PRELID2: variants seen among roughly 807,000 people sequenced by gnomAD.
PRELID2 encodes the protein PRELI domain containing 2.
PRELID2 carries 25 observed loss-of-function variants against 28.4 expected under a neutral mutation model. The observed-to-expected ratio is 0.88, with a 90% confidence interval of 0.64 to 1.23. The LOEUF is 1.23. PRELID2 is among the 50% of genes most tolerant of loss of function. PRELID2 has a pLI of 0.00. For synonymous variants in PRELID2, 76 were observed against 71.6 expected (o/e 1.06, Z -0.31); for missense variants, 201 against 214.4 (o/e 0.94, Z 0.39).
chr5:145,301,862 C>G, the PRELID2 span, among the ~76,000 whole-genome samples: 1 of 149,658 alleles, frequency 6.7e-6, no homozygotes. Context: ...ACCATATAGT[C>G]TTGATTATTG....
At chr5:145,303,220 G>A in the PRELID2 span, among the ~76,000 whole-genome samples, 1 of 152,118 alleles carries the variant, frequency 6.6e-6, no homozygotes, top group Non-Finnish European at 1.5e-5. Context: ...GTACACTTTG[G>A]TTTAGAGATA....
chr5:145,371,496 T>C, the PRELID2 span, among the ~76,000 whole-genome samples: 1 of 152,156 alleles, frequency 6.6e-6, no homozygotes, highest in South Asian at 2.1e-4. Flanking sequence ...TTTGATGTGC[T>C]GCTGGATTTG....
chr5:145,399,793 G>A, the PRELID2 span, among the ~76,000 whole-genome samples: 4 of 152,080 alleles, frequency 2.6e-5, no homozygotes, highest in African/African-American at 9.7e-5. Context: ...ATGGCAGAAG[G>A]CAAGGAGGAG....
intron 1 of PRELID2, among the ~76,000 whole-genome samples, chr5:145,512,947 C>T (rs1752473759): frequency 6.6e-6 from 1 of 152,086 alleles, no homozygotes; most frequent in Admixed American, 6.5e-5. Flanking sequence ...TCAACATCAA[C>T]AAAAAGGACG....
At chr5:145,478,251 G>GA (rs1752121651) in intron 1 of PRELID2, among the ~76,000 whole-genome samples, 1 of 151,958 alleles carries the variant, frequency 6.6e-6, no homozygotes, top group Non-Finnish European at 1.5e-5. Context: ...GACTTAGTAT[G>GA]AAAAAAATAA....
the PRELID2 span, among the ~76,000 whole-genome samples, chr5:145,387,131 G>A: frequency 2.6e-5 from 4 of 152,160 alleles, no homozygotes; most frequent in Admixed American, 6.5e-5. Flanking sequence ...TAATGTGCAT[G>A]ACCAGGTATA....
At chr5:145,828,177 T>C (rs1057392223) in intron 1 of PRELID2, among the ~76,000 whole-genome samples, 1 of 152,206 alleles carries the variant, frequency 6.6e-6, no homozygotes, top group African/African-American at 2.4e-5. Context: ...TAATCTGCCC[T>C]AGTTTCTTCA....
chr5:145,719,418 A>G (rs549310702), intron 1 of PRELID2, among the ~76,000 whole-genome samples: 6 of 152,004 alleles, frequency 3.9e-5, no homozygotes, highest in Non-Finnish European at 7.4e-5. Context: ...TGGTGAAGAG[A>G]AGCATGTAAA....
At chr5:145,330,879 T>C in the PRELID2 span, among the ~76,000 whole-genome samples, 4 of 152,326 alleles carry the variant, frequency 2.6e-5, no homozygotes, top group African/African-American at 9.6e-5. Context: ...ATGTTGATTT[T>C]AGATCTTTCC....
At chr5:145,700,384 T>TC (rs1483293750) in intron 1 of PRELID2, among the ~76,000 whole-genome samples, 212 of 151,296 alleles carry the variant, frequency 1.4e-3, no homozygotes, top group African/African-American at 4.9e-3. Context: ...TAAATCCCTT[T>TC]CCCCCCCACC....
the PRELID2 span, among the ~76,000 whole-genome samples, chr5:145,252,715 G>A: frequency 1.3e-5 from 2 of 151,952 alleles, no homozygotes; most frequent in Non-Finnish European, 2.9e-5. Flanking sequence ...GAGAGGAATT[G>A]GGAGTTATTG....
chr5:145,723,367 G>C (rs1384765222), intron 1 of PRELID2, among the ~76,000 whole-genome samples: 1 of 152,152 alleles, frequency 6.6e-6, no homozygotes, highest in African/African-American at 2.4e-5. Flanking sequence ...CACAGACCAG[G>C]ACTATTCAAT....
chr5:145,808,639 C>G (rs1383658336), intron 4 of PRELID2, among the ~76,000 whole-genome samples: 1 of 152,098 alleles, frequency 6.6e-6, no homozygotes, highest in Admixed American at 6.5e-5. Flanking sequence ...AATCCCAGCA[C>G]TTTGGGAGGT....
At chr5:145,826,575 A>C (rs1020939618) in intron 1 of PRELID2, among the ~76,000 whole-genome samples, 1 of 152,236 alleles carries the variant, frequency 6.6e-6, no homozygotes, top group Non-Finnish European at 1.5e-5. Context: ...GAAGACATGA[A>C]ACTACTACAA....
intron 1 of PRELID2, among the ~76,000 whole-genome samples, chr5:145,576,373 G>A (rs969087679): frequency 6.6e-6 from 1 of 152,150 alleles, no homozygotes. Flanking sequence ...CATACAACAT[G>A]CGGTCTTTTG....
chr5:145,442,443 A>G, the PRELID2 span, among the ~76,000 whole-genome samples: 1 of 152,040 alleles, frequency 6.6e-6, no homozygotes, highest in Non-Finnish European at 1.5e-5. Flanking sequence ...CCCACAATGC[A>G]ATAGGGCTCT....
At chr5:145,455,317 C>G in the PRELID2 span, among the ~76,000 whole-genome samples, 1 of 152,080 alleles carries the variant, frequency 6.6e-6, no homozygotes, top group Non-Finnish European at 1.5e-5. Flanking sequence ...CTCTATATAT[C>G]TGTTTTGGTA....
At chr5:145,808,603 G>A (rs556237645) in intron 4 of PRELID2, among the ~76,000 whole-genome samples, 2 of 152,078 alleles carry the variant, frequency 1.3e-5, no homozygotes, top group African/African-American at 2.4e-5. Context: ...CAATAGTGGC[G>A]GTCAGGCGCA....
chr5:145,743,343 A>G (rs4422574), intron 1 of PRELID2, among the ~76,000 whole-genome samples: 125,075 of 149,568 alleles, frequency 0.84, 52,593 homozygotes, highest in East Asian at 0.96. Flanking sequence ...CCCAAGAGGC[A>G]GAGGCTGCAG....
Sources: allele counts gnomAD v4.1 joint callset (sites outside exome capture counted in the v4.1 genomes callset), GRCh38; gene constraint gnomAD v4.1.1; transcripts MANE v1.5; gene names NCBI Gene and HGNC (gene_info 2026-07-23, HGNC 2026-07-21).